Variants in GFRA1 observed in about 807,000 individuals in gnomAD.
GFRA1 encodes the protein GDNF family receptor alpha 1.
A neutral mutation model predicts 51.6 loss-of-function variants in GFRA1; 16 were observed. The ratio of observed to expected loss-of-function variants is 0.31; its 90% CI spans 0.21 to 0.47. The LOEUF (loss-of-function observed/expected upper bound fraction) is 0.47. GFRA1 is among the 20% of genes least tolerant of loss of function. The pLI is 1.00. For missense variants in GFRA1, 530 were observed against 594.3 expected (o/e 0.89, Z 1.13); for synonymous variants, 270 against 241.3 (o/e 1.12, Z -1.10).
rs1565643671 is a variant in GFRA1 at position 116,196,654 on chromosome 10, ATATAGTACTATATAT to A, written c.433+14962_433+14976del. Among the ~76,000 whole-genome samples the A allele has an allele frequency of 2.2e-3, 103 of 47,750 alleles. 15 individuals carry two copies. The highest frequency in any genetic ancestry group is 8.4e-3 in the African/African-American group (99 of 11,846). 31.3% of individuals were successfully genotyped at this position (47,750 alleles called of 152,430 possible). A position where few individuals can be genotyped will look rare whatever the true frequency, so the allele number is the denominator to read the frequency against. On this transcript the variant is annotated intron_variant, in intron 5 of 10. Coordinates refer to ENST00000355422, the MANE Select transcript of GFRA1 (RefSeq NM_005264.8). ...ATATATAGTACTATATATAATATAT[ATATAGTACTATATAT>A]AATATATATAATATATAGTACTATA...
At chr10:116,111,234 G>T (rs1050516829) in intron 6 of GFRA1, among the ~76,000 whole-genome samples, 2 of 152,196 alleles carry the variant, frequency 1.3e-5, no homozygotes, top group African/African-American at 4.8e-5. Flanking sequence ...CCAGCCAAAC[G>T]GATTCCAATC....
At chr10:116,189,515 C>T (rs1963057332) in intron 5 of GFRA1, among the ~76,000 whole-genome samples, 1 of 152,180 alleles carries the variant, frequency 6.6e-6, no homozygotes, top group Non-Finnish European at 1.5e-5. Flanking sequence ...ACGTTTCACA[C>T]TTTCGTGCAA....
chr10:116,157,334 G>T (rs1044004726), intron 5 of GFRA1, among the ~76,000 whole-genome samples: 24 of 152,154 alleles, frequency 1.6e-4, no homozygotes, highest in African/African-American at 5.8e-4. Flanking sequence ...CTAGATCTGG[G>T]TATCAGATGT....
chr10:116,153,882 A>T (rs1959150488), intron 5 of GFRA1, among the ~76,000 whole-genome samples: 1 of 152,216 alleles, frequency 6.6e-6, no homozygotes, highest in South Asian at 2.1e-4. Flanking sequence ...GCACTCTATA[A>T]ATCAATCAGA....
At chr10:116,241,801 T>C (rs1222984523) in intron 4 of GFRA1, among the ~76,000 whole-genome samples, 1 of 152,148 alleles carries the variant, frequency 6.6e-6, no homozygotes, top group Admixed American at 6.5e-5. Context: ...TATCACTAAA[T>C]GCAGAAGGAA....
At chr10:116,232,966 G>C (rs924185616) in intron 4 of GFRA1, among the ~76,000 whole-genome samples, 2 of 152,172 alleles carry the variant, frequency 1.3e-5, no homozygotes, top group African/African-American at 4.8e-5. Context: ...CAAAGAACAA[G>C]TTATTTTAAG....
intron 7 of GFRA1, among the ~76,000 whole-genome samples, chr10:116,094,873 T>C (rs1209341577): frequency 6.6e-6 from 1 of 152,068 alleles, no homozygotes; most frequent in African/African-American, 2.4e-5. Context: ...CCCTGAACAC[T>C]AGGGGAGGAG....
intron 5 of GFRA1, among the ~76,000 whole-genome samples, chr10:116,187,220 G>A (rs1962809124): frequency 1.3e-5 from 2 of 152,166 alleles, no homozygotes; most frequent in Admixed American, 1.3e-4. Context: ...CCTCCTGAAT[G>A]CAAATATTCT....
intron 4 of GFRA1, among the ~76,000 whole-genome samples, chr10:116,228,166 C>T (rs1357600338): frequency 6.6e-6 from 1 of 152,204 alleles, no homozygotes; most frequent in Non-Finnish European, 1.5e-5. Context: ...CTCCCACCAC[C>T]CCATTATCTC....
chr10:116,254,042 C>T (rs1012739657), intron 4 of GFRA1, among the ~76,000 whole-genome samples: 9 of 152,056 alleles, frequency 5.9e-5, no homozygotes, highest in Non-Finnish European at 8.8e-5. Context: ...CCTATGAGAC[C>T]GGGTGCAATA....
intron 5 of GFRA1, among the ~76,000 whole-genome samples, chr10:116,163,643 C>T (rs570792886): frequency 6.6e-6 from 1 of 152,220 alleles, no homozygotes; most frequent in South Asian, 2.1e-4. Context: ...GGGTGGCCTG[C>T]AGCAGGCCCA....
chr10:116,198,769 G>T (rs1228147153), intron 5 of GFRA1, among the ~76,000 whole-genome samples: 2 of 152,124 alleles, frequency 1.3e-5, no homozygotes, highest in African/African-American at 4.8e-5. Context: ...CACCCAGGTT[G>T]GCTGGTCATC....
chr10:116,064,382 T>G lies in GFRA1; in HGVS notation c.*16A>C. The G allele has an allele frequency of 6.2e-7, 1 of 1,609,308 alleles. No homozygotes were observed. The highest frequency in any genetic ancestry group is 8.5e-7 in the Non-Finnish European group (1 of 1,177,460). Reference sequence around the variant, plus strand: ...TTTGTCTTTTTACATGTCCATATTGTATTTTTTTAATGCAGCTATGATGTT... The same window carrying G: ...TTTGTCTTTTTACATGTCCATATTGGATTTTTTTAATGCAGCTATGATGTT... On this transcript the variant is annotated 3_prime_UTR_variant, in exon 11 of 11. Coordinates refer to ENST00000355422, the MANE Select transcript of GFRA1 (RefSeq NM_005264.8).
chr10:116,177,025 A>T (rs1961686545), intron 5 of GFRA1, among the ~76,000 whole-genome samples: 1 of 152,202 alleles, frequency 6.6e-6, no homozygotes, highest in Admixed American at 6.5e-5. Flanking sequence ...GAACAAAAAC[A>T]GAGAGGCTGT....
intron 5 of GFRA1, among the ~76,000 whole-genome samples, chr10:116,167,414 G>A (rs146476608): frequency 4.6e-5 from 7 of 152,180 alleles, no homozygotes; most frequent in Admixed American, 1.3e-4. Flanking sequence ...CCTTGATGGC[G>A]ATCCCTAGTT....
chr10:116,178,684 C>T (rs1961901510), intron 5 of GFRA1, among the ~76,000 whole-genome samples: 1 of 152,154 alleles, frequency 6.6e-6, no homozygotes, highest in South Asian at 2.1e-4. Flanking sequence ...TGTGTCTTCG[C>T]CAGCATCGGC....
rs1163634931 is a variant in GFRA1, at chr10:116,089,689, AC to A, written c.1197+51del. ...CAGAAAATGGGTCTGCCCGTGTTTCACCCCCCCACCAGGAAGGGAGCCCCAG... is the reference window on the plus strand; with the variant it reads ...CAGAAAATGGGTCTGCCCGTGTTTCACCCCCCACCAGGAAGGGAGCCCCAG... On this transcript the variant is annotated intron_variant, in intron 9 of 10. Coordinates refer to ENST00000355422, the MANE Select transcript of GFRA1 (RefSeq NM_005264.8). The A allele has an allele frequency of 3.7e-5, 55 of 1,476,414 alleles. 1 individual carries two copies. In the South Asian group the frequency reaches 4.4e-4, roughly 12 times the overall value. The allele number at this position is 1,476,414 out of a possible 1,614,324, so 91.5% of individuals were successfully genotyped here.
intron 4 of GFRA1, among the ~76,000 whole-genome samples, chr10:116,221,167 A>G (rs1169553422): frequency 1.3e-5 from 2 of 152,334 alleles, no homozygotes; most frequent in African/African-American, 2.4e-5. Context: ...CCTAAAAGGT[A>G]GCTATTCTCA....
chr10:116,134,737 T>C (rs1262348448), intron 5 of GFRA1, among the ~76,000 whole-genome samples: 3 of 152,224 alleles, frequency 2.0e-5, no homozygotes, highest in Non-Finnish European at 4.4e-5. Flanking sequence ...ACCTGTAAGT[T>C]TGGAAATAAT....
Sources: allele counts gnomAD v4.1 joint callset (sites outside exome capture counted in the v4.1 genomes callset), GRCh38; gene constraint gnomAD v4.1.1; transcripts MANE v1.5; gene names NCBI Gene and HGNC (gene_info 2026-07-23, HGNC 2026-07-21).